Variants in EOGT observed in about 807,000 individuals in gnomAD.
EOGT encodes EGF domain specific O-linked N-acetylglucosamine transferase, also known as EGF domain-specific O-linked N-acetylglucosamine transferase.
In EOGT, 55 loss-of-function variants were observed where a neutral mutation model predicts 70.5. The ratio of observed to expected loss-of-function variants is 0.78; its 90% confidence interval spans 0.63 to 0.98. The LOEUF (loss-of-function observed/expected upper bound fraction) is 0.98, where lower values mean the gene tolerates loss of function less well. Among genes scored for constraint, EOGT ranks in the 50% least tolerant of loss-of-function variants. The probability of loss-of-function intolerance (pLI) is 0.00; values close to 1 mark genes in which losing one functional copy is unlikely to be tolerated. For synonymous variants in EOGT, 246 were observed against 217.1 expected (o/e 1.13, Z -1.17); for missense variants, 703 against 641.9 (o/e 1.10, Z -1.03).
chr3:68,978,799 G>A (rs1198991070), intron 16 of EOGT, among the ~76,000 whole-genome samples: 1 of 152,146 alleles, frequency 6.6e-6, no homozygotes, highest in Non-Finnish European at 1.5e-5. Flanking sequence ...GGATGCAAAA[G>A]TAGAACCCAG....
At chr3:68,999,037 T>C (rs774723293) in intron 9 of EOGT, among the ~76,000 whole-genome samples, 5 of 152,184 alleles carry the variant, frequency 3.3e-5, no homozygotes, top group South Asian at 2.1e-4. Context: ...GTGTTCTGAT[T>C]GAAAGAGAAG....
intron 5 of EOGT, among the ~76,000 whole-genome samples, chr3:69,008,050 C>T (rs1199060677): frequency 1.3e-5 from 2 of 152,170 alleles, no homozygotes; most frequent in African/African-American, 4.8e-5. Flanking sequence ...ATGAAGTTAT[C>T]ACCTGAAACT....
chr3:68,990,605 C>G (rs1027007146), intron 10 of EOGT, among the ~76,000 whole-genome samples: 1 of 152,086 alleles, frequency 6.6e-6, no homozygotes, highest in Non-Finnish European at 1.5e-5. Flanking sequence ...CCGCCTACCA[C>G]GGCCTCCTAA....
intron 3 of EOGT, among the ~76,000 whole-genome samples, chr3:69,010,589 T>C (rs2091552201): frequency 6.6e-6 from 1 of 152,234 alleles, no homozygotes; most frequent in Admixed American, 6.5e-5. Flanking sequence ...ACCTTCATCA[T>C]AGAGCTGTCA....
chr3:69,009,254 G>A (rs992149156), intron 4 of EOGT, among the ~76,000 whole-genome samples: 1 of 152,200 alleles, frequency 6.6e-6, no homozygotes, highest in South Asian at 2.1e-4. Context: ...GGAGACAGAG[G>A]CTGAGGTGTT....
chr3:69,009,125 C>A (rs1224123383), intron 4 of EOGT, among the ~76,000 whole-genome samples: 1 of 152,224 alleles, frequency 6.6e-6, no homozygotes, highest in Non-Finnish European at 1.5e-5. Context: ...AAGGAAGTGT[C>A]TCACAATGCC....
chr3:69,012,228 GGGA>G (rs2091594762), intron 2 of EOGT: 1 of 152,240 alleles, frequency 6.6e-6, no homozygotes, highest in Non-Finnish European at 1.5e-5. Flanking sequence ...AATGGGGAAC[GGGA>G]GGAGGTGGCC....
At chr3:68,982,961 T>C (rs2090693480) in intron 14 of EOGT, 89 bp from the exon 15 acceptor site, 5 of 770,000 alleles carry the variant, frequency 6.5e-6, no homozygotes, top group Non-Finnish European at 1.0e-5. Flanking sequence ...TTTTTTTGCA[T>C]ATACTATTTC....
rs538278500 is a variant in EOGT at position 68,977,439 on chromosome 3, A to G, written c.*179T>C. ...ATTGCTATTGATAAATAGCAATGAC[A>G]CAAAAACCACATGAAACACTTAACA... On this transcript the variant is annotated 3_prime_UTR_variant, in exon 18 of 18. Coordinates refer to ENST00000383701, the MANE Select transcript of EOGT (RefSeq NM_001278689.2). The G allele has an allele frequency of 3.3e-6, 2 of 599,208 alleles. No individual in the cohort carries two copies. The highest frequency in any genetic ancestry group is 5.4e-5 in the South Asian group (2 of 37,078). The allele number at this position is 599,208 out of a possible 1,614,324, so 37.1% of individuals were successfully genotyped here.
Position 68,976,453 on chromosome 3 carries a change from T to C in EOGT, c.*1165A>G, listed in dbSNP as rs564912039. 1 of 152,352 alleles carries C rather than the reference T, an allele frequency of 6.6e-6. No individual in the cohort carries two copies. Among genetic ancestry groups the C allele is most frequent in the South Asian group, 2.1e-4 (1 of 4,834 alleles). 9.4% of individuals were successfully genotyped at this position (152,352 alleles called of 1,614,324 possible). The stretch of plus-strand genomic sequence containing the variant: ...AGGTATGCAAGACAGTCCTACAGAA[T>C]GTTCTAATTTGCTTTTATCACATGT... On this transcript the variant is annotated 3_prime_UTR_variant, in exon 18 of 18. Coordinates refer to ENST00000383701, the MANE Select transcript of EOGT (RefSeq NM_001278689.2).
At chr3:68,999,148 A>T (rs2091235015) in intron 9 of EOGT, among the ~76,000 whole-genome samples, 1 of 152,194 alleles carries the variant, frequency 6.6e-6, no homozygotes, top group African/African-American at 2.4e-5. Flanking sequence ...TCTCTATAGA[A>T]ATGGGAAATA....
At chr3:68,995,246 A>C (rs1024515407) in intron 10 of EOGT, among the ~76,000 whole-genome samples, 1 of 152,170 alleles carries the variant, frequency 6.6e-6, no homozygotes. Flanking sequence ...AACAAAAGGG[A>C]AACAGCAGCC....
At chr3:68,977,840 A>T (rs899971286) in intron 17 of EOGT, 76 bp from the exon 18 acceptor site, 2 of 1,461,794 alleles carry the variant, frequency 1.4e-6, no homozygotes, top group African/African-American at 2.9e-5. Flanking sequence ...AAATTATGTT[A>T]CTTTGGTTAA....
At chr3:68,994,162 CATAACACATAT>C (rs2091078436) in intron 10 of EOGT, among the ~76,000 whole-genome samples, 2 of 152,064 alleles carry the variant, frequency 1.3e-5, no homozygotes, top group South Asian at 2.1e-4. Context: ...ACTATATTGT[CATAACACATAT>C]ATAACACATA....
intron 14 of EOGT, 141 bp downstream of exon 14, chr3:68,987,304 A>G (rs2090838942): frequency 2.9e-6 from 2 of 679,520 alleles, no homozygotes; most frequent in Non-Finnish European, 2.5e-6. Context: ...AATCTAATAA[A>G]TAAACCGGGC....
Position 69,009,630 on chromosome 3 carries a change from T to C in EOGT, c.210+7A>G. 1 of 1,604,934 alleles carries C rather than the reference T, an allele frequency of 6.2e-7. No individual in the cohort carries two copies. On this transcript the variant is annotated splice_region_variant and intron_variant, in intron 4 of 17. Transcript: ENST00000383701. Reference sequence around the variant, plus strand: ...ATAAAAATAAGGAGAAAAGAAATAATACCTACCTTATATGGACAAAGAGAG... The same window carrying C: ...ATAAAAATAAGGAGAAAAGAAATAACACCTACCTTATATGGACAAAGAGAG...
At chr3:68,985,460 C>T (rs2090778097) in intron 14 of EOGT, among the ~76,000 whole-genome samples, 1 of 152,140 alleles carries the variant, frequency 6.6e-6, no homozygotes, top group African/African-American at 2.4e-5. Flanking sequence ...ACACCACCTC[C>T]CCCCTCAACT....
rs892255922 is a variant in EOGT at position 69,008,443 on chromosome 3, T to C, written c.296A>G (p.Tyr99Cys). Reference sequence around the variant, plus strand: ...GGAAACTTACCATCCCATGTCGACATAGCTGCAAACTGGGTAACCAAACCT... The same window carrying C: ...GGAAACTTACCATCCCATGTCGACACAGCTGCAAACTGGGTAACCAAACCT... ...EFRFGYPVCSYVDMGWTDTLE... is the reference protein window; with the variant it reads ...EFRFGYPVCSCVDMGWTDTLE... Residue 99 changes from tyrosine to cysteine, a missense_variant, in exon 5 of 18, where the codon TAT becomes TGT. Tyr to Cys is a radical substitution (Grantham distance 194, BLOSUM62 -2). Coordinates refer to ENST00000383701, the MANE Select transcript of EOGT (RefSeq NM_001278689.2). 8 of 1,613,556 alleles carry C rather than the reference T, an allele frequency of 5.0e-6. No homozygotes were observed. Among genetic ancestry groups the C allele is most frequent in the African/African-American group, 1.3e-5 (1 of 75,036 alleles).
intron 6 of EOGT, among the ~76,000 whole-genome samples, chr3:69,006,355 G>A (rs1177640415): frequency 1.3e-5 from 2 of 152,120 alleles, no homozygotes; most frequent in African/African-American, 4.8e-5. Flanking sequence ...GCTCTATTAC[G>A]TGACACCCTC....
Sources: allele counts gnomAD v4.1 joint callset (sites outside exome capture counted in the v4.1 genomes callset), GRCh38; gene constraint gnomAD v4.1.1; transcripts MANE v1.5; gene names NCBI Gene and HGNC (gene_info 2026-07-23, HGNC 2026-07-21).